The following NPSR1 variants were observed in gnomAD, a reference collection of about 807,000 sequenced individuals.
NPSR1 encodes neuropeptide S receptor 1, also known as neuropeptide S receptor.
A neutral mutation model predicts 46.9 loss-of-function variants in NPSR1; 48 were observed. That is an observed-to-expected ratio of 1.02 (90% confidence interval 0.81 to 1.30). NPSR1 has a LOEUF of 1.30. Among genes scored for constraint, NPSR1 ranks in the 50% most tolerant of loss-of-function variants. The probability of loss-of-function intolerance (pLI) is 0.00; values close to 1 mark genes in which losing one functional copy is unlikely to be tolerated. For missense variants in NPSR1, 450 were observed against 449.5 expected (o/e 1.00, Z -0.01); for synonymous variants, 176 against 168.1 (o/e 1.05, Z -0.36).
chr7:34,681,026 G>A (rs991777301), intron 1 of NPSR1, among the ~76,000 whole-genome samples: 41 of 151,568 alleles, frequency 2.7e-4, no homozygotes, highest in Admixed American at 2.2e-3. Flanking sequence ...TATATATTGT[G>A]CACTTTTTAT....
chr7:34,770,630 AG>A (rs1786636332), intron 2 of NPSR1, among the ~76,000 whole-genome samples: 1 of 152,166 alleles, frequency 6.6e-6, no homozygotes, highest in South Asian at 2.1e-4. Context: ...GGGTATTTCA[AG>A]CAGAGGGAAC....
At chr7:34,750,941 G>T (rs1300977827) in intron 2 of NPSR1, 3 of 751,738 alleles carry the variant, frequency 4.0e-6, no homozygotes, top group East Asian at 5.4e-5. Flanking sequence ...CTGACAGGTG[G>T]CTGATGATAT....
chr7:34,869,684 C>G (rs1443162359), intron 8 of NPSR1, among the ~76,000 whole-genome samples: 1 of 151,772 alleles, frequency 6.6e-6, no homozygotes, highest in Non-Finnish European at 1.5e-5. Context: ...TTATCAAGTG[C>G]CAACTCTATC....
At chr7:34,843,416 T>C (rs972980008) in intron 6 of NPSR1, among the ~76,000 whole-genome samples, 1 of 152,116 alleles carries the variant, frequency 6.6e-6, no homozygotes, top group African/African-American at 2.4e-5. Context: ...CAATAATCCA[T>C]TCATAAGGGC....
At chr7:34,814,681 G>A (rs1445581643) in intron 4 of NPSR1, among the ~76,000 whole-genome samples, 3 of 152,210 alleles carry the variant, frequency 2.0e-5, no homozygotes. Context: ...GCCCCTCTGG[G>A]ACAAAGCTTC....
chr7:34,667,347 G>C (rs111390090), intron 1 of NPSR1, among the ~76,000 whole-genome samples: 1 of 152,190 alleles, frequency 6.6e-6, no homozygotes. Flanking sequence ...AGAGACAGGA[G>C]AAAGGGGGGT....
chr7:34,741,404 G>T (rs985419038), intron 2 of NPSR1, among the ~76,000 whole-genome samples: 1 of 152,086 alleles, frequency 6.6e-6, no homozygotes, highest in Non-Finnish European at 1.5e-5. Flanking sequence ...TAGTGCTTTT[G>T]AAAATTGTTA....
chr7:34,686,951 A>G (rs1583808597), intron 2 of NPSR1, among the ~76,000 whole-genome samples: 1 of 120,682 alleles, frequency 8.3e-6, no homozygotes, highest in Admixed American at 1.0e-4. Flanking sequence ...ACAGAGTGAG[A>G]CTCCGTCTCA....
Position 34,689,287 on chromosome 7 carries a change from C to T in NPSR1, c.280+4603C>T, listed in dbSNP as rs548048466. Among the ~76,000 whole-genome samples, 5 of 152,256 alleles carry T rather than the reference C, an allele frequency of 3.3e-5. No homozygotes were observed. The South Asian group carries it at 1.0e-3, about 32-fold the overall frequency. On this transcript the variant is annotated intron_variant, in intron 2 of 8. Coordinates refer to ENST00000360581, the MANE Select transcript of NPSR1 (RefSeq NM_207172.2). ...TTATCCATAAGCTTCACCTACTGGC[C>T]TGGAGGTTGAACTGCACAATACAAT... is the stretch of plus-strand genomic sequence containing the variant.
chr7:34,874,578 C>T (rs1562782099), intron 8 of NPSR1, among the ~76,000 whole-genome samples: 1 of 152,166 alleles, frequency 6.6e-6, no homozygotes, highest in Non-Finnish European at 1.5e-5. Context: ...TCAATGAAAC[C>T]TCAGTTAAAC....
chr7:34,746,099 A>C (rs1184394480), intron 2 of NPSR1, among the ~76,000 whole-genome samples: 1 of 152,234 alleles, frequency 6.6e-6, no homozygotes, highest in Admixed American at 6.5e-5. Context: ...ACAATCAGTT[A>C]TTTCTTTCCT....
intron 2 of NPSR1, among the ~76,000 whole-genome samples, chr7:34,688,559 A>T (rs1583812173): frequency 6.6e-6 from 1 of 152,078 alleles, no homozygotes; most frequent in East Asian, 1.9e-4. Context: ...CAGTTCCTCC[A>T]CTCCACACCT....
intron 4 of NPSR1, among the ~76,000 whole-genome samples, chr7:34,816,349 T>C (rs111462577): frequency 2.2e-5 from 1 of 46,240 alleles, no homozygotes; most frequent in Non-Finnish European, 4.3e-5. Context: ...AAGGGATCAA[T>C]TCAACAAGAA....
At chr7:34,779,655 C>G (rs1787143058) in intron 3 of NPSR1, 1 of 985,680 alleles carries the variant, frequency 1.0e-6, no homozygotes, top group African/African-American at 1.7e-5. Flanking sequence ...AGAGCCTTTT[C>G]TATTATGTAC....
intron 8 of NPSR1, among the ~76,000 whole-genome samples, chr7:34,848,892 G>A (rs540371179): frequency 2.6e-5 from 4 of 152,250 alleles, no homozygotes; most frequent in African/African-American, 9.6e-5. Flanking sequence ...TATAGAAACC[G>A]CCTTAATCAT....
In NPSR1 at chr7:34,798,531, T is replaced by C. The variant is rs35515282; in HGVS notation, c.385-13239T>C. Among the ~76,000 whole-genome samples, 1,171 of 152,184 alleles carry C rather than the reference T, an allele frequency of 7.7e-3. 18 individuals carry two copies. The highest frequency in any genetic ancestry group is 0.027 in the African/African-American group (1,112 of 41,540). On this transcript the variant is annotated intron_variant, in intron 3 of 8. Transcript: ENST00000360581. Reference sequence around the variant, plus strand: ...GCCTGGGTGACAGAGTGAGACTCTGTCTAAGAAAAAGGGGCGGGGGGTTGA... The same window carrying C: ...GCCTGGGTGACAGAGTGAGACTCTGCCTAAGAAAAAGGGGCGGGGGGTTGA...
At chr7:34,698,926 T>C (rs1241136543) in intron 2 of NPSR1, among the ~76,000 whole-genome samples, 1 of 152,022 alleles carries the variant, frequency 6.6e-6, no homozygotes, top group Non-Finnish European at 1.5e-5. Flanking sequence ...AACAAAAATA[T>C]AAAGGAAAAT....
At chr7:34,715,863 A>G (rs943703175) in intron 2 of NPSR1, among the ~76,000 whole-genome samples, 24 of 152,228 alleles carry the variant, frequency 1.6e-4, no homozygotes, top group Non-Finnish European at 2.9e-4. Context: ...GGTGGTGAAT[A>G]GCACCTGGGA....
chr7:34,866,586 A>G lies in NPSR1; in HGVS notation c.1026-11490A>G, dbSNP rs375841064. On this transcript the variant is annotated intron_variant, in intron 8 of 8. Coordinates refer to the NPSR1 transcript ENST00000359791. Reference sequence around the variant, plus strand: ...ATGTCTTGCCTGATTGAGACAACTCAGTTGCACAATTGCATAATTAGACTG... The same window carrying G: ...ATGTCTTGCCTGATTGAGACAACTCGGTTGCACAATTGCATAATTAGACTG... 5.8e-3 allele frequency among the ~76,000 whole-genome samples: 886 copies of G among 151,562 alleles called. 15 individuals are homozygous for G. Among genetic ancestry groups the G allele is most frequent in the Middle Eastern group, 0.041 (12 of 292 alleles).
Sources: allele counts gnomAD v4.1 joint callset (sites outside exome capture counted in the v4.1 genomes callset), GRCh38; gene constraint gnomAD v4.1.1; transcripts MANE v1.5; gene names NCBI Gene and HGNC (gene_info 2026-07-23, HGNC 2026-07-21).